The following COG5 variants were observed in gnomAD, a reference collection of about 807,000 sequenced individuals.
The protein encoded by COG5 is component of oligomeric golgi complex 5.
A neutral mutation model predicts 110.4 loss-of-function variants in COG5; 86 were observed. That is an observed-to-expected ratio of 0.78 (90% CI 0.65 to 0.93). The LOEUF (loss-of-function observed/expected upper bound fraction) is 0.93, where lower values mean the gene tolerates loss of function less well. Ranked by LOEUF, COG5 falls within the 40% of genes least tolerant of loss-of-function variation. The pLI is 0.00. For missense variants in COG5, 1,077 were observed against 987.0 expected, an observed-to-expected ratio of 1.09 and a Z score of -1.22; for synonymous variants, 360 against 334.6, an observed-to-expected ratio of 1.08 and a Z score of -0.83.
chr7:107,508,746 C>T (rs548007695), intron 6 of COG5, among the ~76,000 whole-genome samples: 17 of 152,158 alleles, frequency 1.1e-4, no homozygotes, highest in Non-Finnish European at 2.2e-4. Flanking sequence ...CTACAGCCAC[C>T]GCTGTTCTGC....
intron 17 of COG5, among the ~76,000 whole-genome samples, chr7:107,241,363 C>T (rs10953532): frequency 0.16 from 24,081 of 148,934 alleles, 2,315 homozygotes; most frequent in Non-Finnish European, 0.22. Context: ...GTTTTTTTTT[C>T]GGTAGAATTC....
chr7:107,558,930 AAAAAAC>A (rs1342735321), intron 1 of COG5, among the ~76,000 whole-genome samples: 1 of 140,166 alleles, frequency 7.1e-6, no homozygotes. Flanking sequence ...AAAAAAAAAA[AAAAAAC>A]CATAACTACT....
At chr7:107,239,371 T>C (rs1394973919) in intron 17 of COG5, among the ~76,000 whole-genome samples, 1 of 152,182 alleles carries the variant, frequency 6.6e-6, no homozygotes, top group Non-Finnish European at 1.5e-5. Context: ...TGTAATATAG[T>C]TTAAAATTAG....
intron 6 of COG5, chr7:107,475,433 C>T: frequency 1.4e-6 from 1 of 699,510 alleles, no homozygotes; most frequent in Non-Finnish European, 2.3e-6. Flanking sequence ...ACTGATATTA[C>T]TGCCAAATAT....
intron 6 of COG5, among the ~76,000 whole-genome samples, chr7:107,418,891 C>CA (rs1350577330): frequency 6.6e-6 from 1 of 152,126 alleles, no homozygotes; most frequent in Admixed American, 6.5e-5. Flanking sequence ...TCTGCTGCCT[C>CA]AGCCTCCCAA....
rs191016303 is a variant in COG5, at chr7:107,424,344, G to A, written c.539-11712C>T. On this transcript the variant is annotated intron_variant, in intron 6 of 21. Coordinates refer to ENST00000297135, the MANE Select transcript of COG5 (RefSeq NM_006348.5). The stretch of plus-strand genomic sequence containing the variant: ...GGGCCTGGAGGGGTTTTCAGAGAAG[G>A]GTGGAAGGGAGGTTTCACATGGAAA... Among the ~76,000 whole-genome samples, 91 of 152,060 alleles carry A rather than the reference G, an allele frequency of 6.0e-4. 1 individual carries two copies. The highest frequency in any genetic ancestry group is 1.0e-3 in the Non-Finnish European group (71 of 67,994).
chr7:107,265,037 G>C (rs1242167808), intron 14 of COG5, among the ~76,000 whole-genome samples: 1 of 152,150 alleles, frequency 6.6e-6, no homozygotes, highest in Admixed American at 6.5e-5. Context: ...AGGCACTGTG[G>C]AATTCCATAA....
At chr7:107,517,577 T>C (rs1444190228) in intron 6 of COG5, among the ~76,000 whole-genome samples, 2 of 151,596 alleles carry the variant, frequency 1.3e-5, no homozygotes, top group Non-Finnish European at 2.9e-5. Context: ...AAGGAAAAAA[T>C]GTTAAGAGCA....
At chr7:107,455,912 G>A (rs1254841257) in intron 6 of COG5, among the ~76,000 whole-genome samples, 1 of 151,984 alleles carries the variant, frequency 6.6e-6, no homozygotes, top group Non-Finnish European at 1.5e-5. Flanking sequence ...TTGTGCCTCA[G>A]CCTCCCAAGC....
intron 6 of COG5, among the ~76,000 whole-genome samples, chr7:107,456,352 T>C (rs933802699): frequency 1.3e-5 from 2 of 152,194 alleles, no homozygotes; most frequent in Non-Finnish European, 2.9e-5. Flanking sequence ...AACAGAATAA[T>C]TGGTATAGGA....
chr7:107,464,009 T>TA (rs1046891829), intron 6 of COG5, among the ~76,000 whole-genome samples: 10 of 151,710 alleles, frequency 6.6e-5, no homozygotes, highest in African/African-American at 1.5e-4. Flanking sequence ...TCAACAGAGC[T>TA]AAAAAAAAGT....
intron 10 of COG5, among the ~76,000 whole-genome samples, chr7:107,330,103 G>A (rs1810111365): frequency 1.3e-5 from 2 of 152,180 alleles, no homozygotes; most frequent in Non-Finnish European, 2.9e-5. Context: ...AAGGATATTT[G>A]ACAATGATCT....
intron 17 of COG5, among the ~76,000 whole-genome samples, chr7:107,245,624 A>G (rs1256358105): frequency 6.6e-6 from 1 of 152,234 alleles, no homozygotes; most frequent in African/African-American, 2.4e-5. Context: ...ATTGTCAAAA[A>G]AGAATAAAAC....
intron 16 of COG5, among the ~76,000 whole-genome samples, chr7:107,256,466 T>C (rs1468894149): frequency 3.3e-5 from 5 of 152,140 alleles, no homozygotes; most frequent in African/African-American, 1.2e-4. Flanking sequence ...GTACTGCCAT[T>C]AGATAAATAC....
intron 21 of COG5, 159 bp downstream of exon 21, chr7:107,210,367 G>A: frequency 2.8e-6 from 4 of 1,439,672 alleles, no homozygotes; most frequent in Non-Finnish European, 3.6e-6. Flanking sequence ...CCAACTGCTG[G>A]TTGCTCCAGC....
At chr7:107,344,470 C>A (rs984096997) in intron 10 of COG5, among the ~76,000 whole-genome samples, 1 of 152,150 alleles carries the variant, frequency 6.6e-6, no homozygotes, top group Admixed American at 6.5e-5. Flanking sequence ...CTGGCTTGAT[C>A]TTCTATTCAG....
At position 107,269,646 on chromosome 7, in the gene COG5, T is replaced by G. The variant is rs536952637; in HGVS notation, c.1576-11263A>C. On this transcript the variant is annotated intron_variant, in intron 14 of 21. Transcript: ENST00000297135. The stretch of plus-strand genomic sequence containing the variant: ...TCCATCTTACTTCTATGTTCCATAT[T>G]AGTCACTATTATTTCTTATTTTATG... Among the ~76,000 whole-genome samples, 3 of 152,358 alleles carry G rather than the reference T, an allele frequency of 2.0e-5. No homozygotes were observed. The East Asian group carries it at 5.8e-4, about 29-fold the overall frequency.
chr7:107,387,978 C>T lies in COG5; in HGVS notation c.670-15218G>A, dbSNP rs143639260. On this transcript the variant is annotated intron_variant, in intron 7 of 21. Transcript: ENST00000297135. ...TTATCACACACATTCCAGCCCATGG[C>T]TCTCTGCCTGGCCCATTGGCTTATG... is the stretch of plus-strand genomic sequence containing the variant. Among the ~76,000 whole-genome samples the T allele has an allele frequency of 3.4e-3, 511 of 152,352 alleles. 1 individual carries two copies. Among genetic ancestry groups the T allele is most frequent in the Non-Finnish European group, 5.8e-3 (398 of 68,038 alleles).
At chr7:107,514,092 C>A (rs570068757) in intron 6 of COG5, among the ~76,000 whole-genome samples, 1 of 151,844 alleles carries the variant, frequency 6.6e-6, no homozygotes, top group African/African-American at 2.4e-5. Context: ...TCTCATGACA[C>A]GTGGTGTTAA....
Sources: gnomAD v4.1 joint callset for allele counts (sites outside exome capture counted in the v4.1 genomes callset) on GRCh38, gnomAD v4.1.1 for gene constraint, MANE v1.5 for transcripts, NCBI Gene and HGNC (gene_info 2026-07-23, HGNC 2026-07-21) for gene names.